GIPC1: variants seen among roughly 807,000 people sequenced by gnomAD.
GIPC1 encodes the protein GIPC PDZ domain containing family member 1, also known as PDZ domain-containing protein GIPC1.
GIPC1 carries 15 observed loss-of-function variants against 28.5 expected under a neutral mutation model. The observed-to-expected ratio is 0.53, with a 90% CI of 0.35 to 0.81. The LOEUF (loss-of-function observed/expected upper bound fraction) is 0.81. Among genes scored for constraint, GIPC1 ranks in the 30% least tolerant of loss-of-function variants. The pLI, the probability that GIPC1 is intolerant of heterozygous loss-of-function variation, is 0.01. For missense variants in GIPC1, 439 were observed against 481.9 expected, an observed-to-expected ratio of 0.91 and a Z score of 0.83; for synonymous variants, 224 against 206.1, an observed-to-expected ratio of 1.09 and a Z score of -0.74.
chr19:14,492,974 C>T (rs2072002523), intron 1 of GIPC1, 62 bp from the exon 2 acceptor site: 1 of 152,228 alleles, frequency 6.6e-6, no homozygotes. Context: ...AAGAGATTAC[C>T]CACGTATCCC....
At chr19:14,484,292 C>T (rs555470384) in intron 3 of GIPC1, among the ~76,000 whole-genome samples, 2 of 152,012 alleles carry the variant, frequency 1.3e-5, no homozygotes, top group South Asian at 4.1e-4. Context: ...TGTGCCACCA[C>T]ACCGGGGTAA....
intron 3 of GIPC1, among the ~76,000 whole-genome samples, chr19:14,484,591 C>G (rs1336206788): frequency 2.0e-5 from 3 of 150,976 alleles, no homozygotes; most frequent in Non-Finnish European, 4.4e-5. Flanking sequence ...CAAAAAAACA[C>G]AAAAATTAGC....
intron 2 of GIPC1, 139 bp from the exon 3 acceptor site, chr19:14,491,882 G>A (rs1374899417): frequency 6.6e-6 from 1 of 152,164 alleles, no homozygotes; most frequent in Non-Finnish European, 1.5e-5. Context: ...GGCCGAGGTG[G>A]GCATGAGCCA....
chr19:14,480,271 C>A, intron 6 of GIPC1, 34 bp downstream of exon 6: 1 of 1,579,726 alleles, frequency 6.3e-7, no homozygotes, highest in Admixed American at 1.7e-5. Context: ...ATGCGAGCAG[C>A]GCCACTGGGG....
intron 3 of GIPC1, among the ~76,000 whole-genome samples, chr19:14,484,998 A>G (rs2097746656): frequency 6.6e-6 from 1 of 151,662 alleles, no homozygotes. Flanking sequence ...CGTCTCTACT[A>G]AAAATACAAA....
chr19:14,489,446 A>C (rs945732048), intron 3 of GIPC1: 6 of 922,628 alleles, frequency 6.5e-6, no homozygotes, highest in Non-Finnish European at 1.1e-5. Context: ...TTTTCATTGA[A>C]ATTAAATGGT....
At chr19:14,494,115 A>G (rs943738009) in intron 1 of GIPC1, among the ~76,000 whole-genome samples, 12 of 151,972 alleles carry the variant, frequency 7.9e-5, no homozygotes, top group African/African-American at 2.2e-4. Context: ...GTGCGCCACC[A>G]CACCCAGCTA....
rs2071709741 is a variant in GIPC1 at position 14,480,680 on chromosome 19, C to T, written c.387G>A (p.Gly129=). Residue 129 remains glycine (G), a synonymous_variant, in exon 5 of 9, where the codon GGG becomes GGA. Coordinates refer to ENST00000393033, the MANE Select transcript of GIPC1 (RefSeq NM_005716.4). ...TGAACACCTCCACCTCCTTGCGCTG[C>T]CCCTTCACGTGGGCGAAGATGAAGT... ...LEDFIFAHVK[G]QRKEVEVFKS... The T allele has an allele frequency of 3.1e-6, 5 of 1,614,092 alleles. No individual in the cohort carries two copies. In the African/African-American group the frequency reaches 6.7e-5, roughly 22 times the overall value.
chr19:14,478,417 T>C lies in GIPC1; in HGVS notation c.1001A>G (p.Ter334TrpextTer8). ...AIGDAKVGRY* is the reference protein window; with the variant it reads ...AIGDAKVGRYW ...TCATCGCAGGGTCCGGGGGCAGTCC[T>C]AGTAGCGGCCGACCTTGGCGTCCCC... Residue 334 changes from the stop codon to tryptophan (W), a stop_lost, in exon 9 of 9, where the codon TAG (stop) becomes TGG (tryptophan). Transcript: ENST00000393033. The surrounding 1 kb of genome is among the most constrained non-coding windows in gnomAD (Gnocchi z 5.2). The C allele has an allele frequency of 1.9e-6, 3 of 1,606,392 alleles. No individual in the cohort carries two copies. Among genetic ancestry groups the C allele is most frequent in the Non-Finnish European group, 2.5e-6 (3 of 1,176,872 alleles).
Position 14,480,323 on chromosome 19 carries a change from C to T in GIPC1, c.637G>A (p.Glu213Lys). The T allele has an allele frequency of 6.2e-7, 1 of 1,611,296 alleles. No homozygotes were observed. The highest frequency in any genetic ancestry group is 8.5e-7 in the Non-Finnish European group (1 of 1,179,840). Residue 213 changes from glutamate (E) to lysine (K), a missense_variant, in exon 6 of 9, where the codon GAG becomes AAG. Transcript: ENST00000393033. Reference sequence around the variant, plus strand: ...TCCTCACCGAAGGCCTTGCGAGGCTCCGTGAGCTTCAGCGTGAAGGTACGG... The same window carrying T: ...TCCTCACCGAAGGCCTTGCGAGGCTTCGTGAGCTTCAGCGTGAAGGTACGG... ...RGRTFTLKLT[E>K]PRKAFDMISQ...
intron 3 of GIPC1, chr19:14,489,401 A>G: frequency 1.3e-6 from 1 of 793,658 alleles, no homozygotes; most frequent in South Asian, 1.3e-5. Context: ...AGCAAAGCTC[A>G]CCCTCCTGAG....
At chr19:14,495,648 C>T (rs1568371215) in intron 1 of GIPC1, among the ~76,000 whole-genome samples, 1 of 152,114 alleles carries the variant, frequency 6.6e-6, no homozygotes, top group African/African-American at 2.4e-5. Flanking sequence ...CCGTGGTCCT[C>T]ACTGCGTCCC....
rs554129906 is a variant in GIPC1 at position 14,479,853 on chromosome 19, C to A, written c.656-329G>T. 2.9e-4 allele frequency: 110 copies of A among 374,286 alleles called. 2 individuals are homozygous for A. Among genetic ancestry groups the A allele is most frequent in the African/African-American group, 2.3e-3 (108 of 47,288 alleles). The allele number at this position is 374,286 out of a possible 1,614,324, so 23.2% of individuals were successfully genotyped here. ...GTCTCCAGCTGCCTGAGTCCGTCTC[C>A]TCTTGGCCAAGGGGGTATGGCTGCT... On this transcript the variant is annotated intron_variant, in intron 6 of 8. Transcript: ENST00000393033.
intron 3 of GIPC1, among the ~76,000 whole-genome samples, chr19:14,485,937 A>AT (rs1208545239): frequency 1.3e-5 from 2 of 151,526 alleles, no homozygotes; most frequent in Non-Finnish European, 2.9e-5. Flanking sequence ...TGCCCAGCTA[A>AT]TTTTTTGTAT....
rs1796163156 is a variant in GIPC1, at chr19:14,482,787, G to A, written c.190C>T (p.Leu64=). The A allele has an allele frequency of 1.2e-6, 2 of 1,608,586 alleles. No individual in the cohort carries two copies. Among genetic ancestry groups the A allele is most frequent in the Admixed American group, 3.4e-5 (2 of 59,612 alleles). Residue 64 remains leucine, a synonymous_variant, in exon 4 of 9, where the codon CTG becomes TTG. Transcript: ENST00000393033. The stretch of plus-strand genomic sequence containing the variant: ...CGGCCAGTGGGACTGCCATGGGCCA[G>A]CTGGGTGTGGAACACGAGGCGGGGC... ...LRPRLVFHTQ[L]AHGSPTGRIE...
At chr19:14,479,747 G>T (rs1400648179) in intron 6 of GIPC1, 1 of 430,710 alleles carries the variant, frequency 2.3e-6, no homozygotes, top group Non-Finnish European at 4.1e-6. Context: ...GCCAGGAATA[G>T]GAAATGCTGG....
At chr19:14,492,236 C>A (rs2071989297) in intron 2 of GIPC1, among the ~76,000 whole-genome samples, 1 of 152,130 alleles carries the variant, frequency 6.6e-6, no homozygotes. Flanking sequence ...GGAAATCATG[C>A]ATGTGCTTGG....
At chr19:14,480,823 C>CT (rs2071714000) in intron 4 of GIPC1, 45 bp from the exon 5 acceptor site, 1 of 1,383,186 alleles carries the variant, frequency 7.2e-7, no homozygotes, top group African/African-American at 1.4e-5. Context: ...CTCCCTCCCC[C>CT]TTTTCTAATC....
chr19:14,493,269 G>A (rs528170750), intron 1 of GIPC1, among the ~76,000 whole-genome samples: 6 of 152,248 alleles, frequency 3.9e-5, no homozygotes, highest in African/African-American at 1.2e-4. Context: ...ATTTTAAAAC[G>A]TAAACCAGAT....
Sources: allele counts gnomAD v4.1 joint callset (sites outside exome capture counted in the v4.1 genomes callset), GRCh38; gene constraint gnomAD v4.1.1; non-coding constraint Gnocchi (gnomAD v3.1); transcripts MANE v1.5; gene names NCBI Gene and HGNC (gene_info 2026-07-23, HGNC 2026-07-21).